The following SH3RF3 variants were observed in gnomAD, a reference collection of about 807,000 sequenced individuals.
SH3RF3 encodes E3 ubiquitin-protein ligase SH3RF3.
A neutral mutation model predicts 66.3 loss-of-function variants in SH3RF3; 29 were observed. That is an observed-to-expected ratio of 0.44 (90% CI 0.33 to 0.60). The LOEUF (loss-of-function observed/expected upper bound fraction) is 0.60. SH3RF3 is among the 20% of genes least tolerant of loss of function. The probability of loss-of-function intolerance (pLI) is 0.04; values close to 1 mark genes in which losing one functional copy is unlikely to be tolerated. For missense variants in SH3RF3, 1,194 were observed against 1,190.9 expected (o/e 1.00, Z -0.04); for synonymous variants, 583 against 532.0 (o/e 1.10, Z -1.32).
chr2:109,273,095 A>G (rs1680666696), intron 1 of SH3RF3, among the ~76,000 whole-genome samples: 1 of 152,260 alleles, frequency 6.6e-6, no homozygotes, highest in Non-Finnish European at 1.5e-5. Flanking sequence ...TTCGGGTTGA[A>G]GAGATACTGG....
At chr2:109,345,927 T>C (rs1682683952) in intron 1 of SH3RF3, among the ~76,000 whole-genome samples, 1 of 152,202 alleles carries the variant, frequency 6.6e-6, no homozygotes, top group Non-Finnish European at 1.5e-5. Context: ...CACCTTCCGG[T>C]TGTGATAGCC....
chr2:109,176,501 G>T (rs1348919228), intron 1 of SH3RF3, among the ~76,000 whole-genome samples: 4 of 152,198 alleles, frequency 2.6e-5, no homozygotes, highest in African/African-American at 9.7e-5. Flanking sequence ...TGGGGCCAAG[G>T]TGGGAGGATC....
At chr2:109,217,676 T>C (rs961006422) in intron 1 of SH3RF3, among the ~76,000 whole-genome samples, 2 of 152,236 alleles carry the variant, frequency 1.3e-5, no homozygotes, top group East Asian at 1.9e-4. Flanking sequence ...TCTCACCGGC[T>C]AGAAGACCAG....
At chr2:109,174,828 A>G (rs1160689302) in intron 1 of SH3RF3, among the ~76,000 whole-genome samples, 1 of 152,206 alleles carries the variant, frequency 6.6e-6, no homozygotes, top group Non-Finnish European at 1.5e-5. Context: ...TGCAAGCTTC[A>G]GGGATAGGAT....
chr2:109,250,971 A>G (rs1256576093), intron 1 of SH3RF3, among the ~76,000 whole-genome samples: 1 of 151,880 alleles, frequency 6.6e-6, no homozygotes, highest in Non-Finnish European at 1.5e-5. Flanking sequence ...TGCATTCTGT[A>G]TAGCTTTTTT....
chr2:109,416,292 A>C (rs1559071732), intron 4 of SH3RF3, among the ~76,000 whole-genome samples: 2 of 152,018 alleles, frequency 1.3e-5, no homozygotes, highest in African/African-American at 4.8e-5. Flanking sequence ...GGGCTGCTGC[A>C]TGCTTAGAAT....
intron 1 of SH3RF3, among the ~76,000 whole-genome samples, chr2:109,197,123 G>T (rs1362129753): frequency 2.6e-5 from 4 of 152,212 alleles, no homozygotes; most frequent in African/African-American, 9.7e-5. Flanking sequence ...GCAGAGGTTG[G>T]GTTTGAACCT....
chr2:109,454,277 C>T (rs1458132469), intron 8 of SH3RF3, among the ~76,000 whole-genome samples: 5 of 152,222 alleles, frequency 3.3e-5, no homozygotes, highest in African/African-American at 9.6e-5. Flanking sequence ...ACTATCCAAT[C>T]TGTATTCCCC....
intron 1 of SH3RF3, among the ~76,000 whole-genome samples, chr2:109,319,406 C>G (rs1681964846): frequency 6.6e-6 from 1 of 152,192 alleles, no homozygotes; most frequent in South Asian, 2.1e-4. Flanking sequence ...CGGGGATCAC[C>G]CAGGCATCCT....
chr2:109,303,071 T>C (rs937135382), intron 1 of SH3RF3, among the ~76,000 whole-genome samples: 2 of 152,144 alleles, frequency 1.3e-5, no homozygotes, highest in African/African-American at 4.8e-5. Context: ...AGGCGGGGTT[T>C]CATCATGCTG....
chr2:109,242,549 C>G (rs1034605805), intron 1 of SH3RF3, among the ~76,000 whole-genome samples: 6 of 152,136 alleles, frequency 3.9e-5, no homozygotes, highest in Non-Finnish European at 2.9e-5. Context: ...AAGTGGGAAG[C>G]CTGTGTCTGC....
intron 8 of SH3RF3, among the ~76,000 whole-genome samples, chr2:109,449,891 C>A (rs1677816832): frequency 6.6e-6 from 1 of 152,028 alleles, no homozygotes; most frequent in South Asian, 2.1e-4. Context: ...TGAACAGCAC[C>A]CACTCCCTTC....
chr2:109,130,056 C>T lies in SH3RF3; in HGVS notation c.516C>T (p.Gly172=). ...GSPVFLSAAA[G]STAGSLRELA... ...CGGTTTTCCTCTCCGCGGCCGCGGG[C>T]AGCACCGCCGGCAGTCTGCGGGAGC... The change falls in exon 1 of 10, where the codon GGC becomes GGT. Residue 172 remains glycine, a synonymous_variant. Coordinates refer to ENST00000309415, the MANE Select transcript of SH3RF3 (RefSeq NM_001099289.3). 7.3e-7 allele frequency: 1 copy of T among 1,368,324 alleles called. No individual in the cohort carries two copies. The highest frequency in any genetic ancestry group is 1.7e-5 in the South Asian group (1 of 58,580). The allele number at this position is 1,368,324 out of a possible 1,614,324, so 84.8% of individuals were successfully genotyped here.
intron 9 of SH3RF3, among the ~76,000 whole-genome samples, chr2:109,492,560 C>T (rs958148882): frequency 1.3e-5 from 2 of 152,142 alleles, no homozygotes; most frequent in African/African-American, 2.4e-5. Flanking sequence ...TTTCCCCAAG[C>T]GCTACATGTG....
At chr2:109,389,823 TG>T (rs1675933234) in intron 3 of SH3RF3, among the ~76,000 whole-genome samples, 2 of 152,132 alleles carry the variant, frequency 1.3e-5, no homozygotes, top group Admixed American at 6.5e-5. Context: ...GCTTCCCTGA[TG>T]GGGGTGCACT....
At chr2:109,338,125 C>T (rs559605333) in intron 1 of SH3RF3, among the ~76,000 whole-genome samples, 3 of 152,266 alleles carry the variant, frequency 2.0e-5, no homozygotes, top group Non-Finnish European at 4.4e-5. Flanking sequence ...GGTAGCTTCC[C>T]GAGTCGGAAG....
chr2:109,171,189 G>A (rs148342685), intron 1 of SH3RF3, among the ~76,000 whole-genome samples: 15 of 152,218 alleles, frequency 9.9e-5, no homozygotes, highest in Admixed American at 5.2e-4. Context: ...GTTTATTTAT[G>A]TATATAAAGT....
chr2:109,460,604 G>C (rs1293969402), intron 8 of SH3RF3, among the ~76,000 whole-genome samples: 1 of 152,212 alleles, frequency 6.6e-6, no homozygotes. Flanking sequence ...AATTACTAAA[G>C]TCCTCCTCTG....
At chr2:109,443,226 T>A (rs572601264) in intron 7 of SH3RF3, among the ~76,000 whole-genome samples, 1 of 152,378 alleles carries the variant, frequency 6.6e-6, no homozygotes, top group East Asian at 1.9e-4. Context: ...AAAATGAGGT[T>A]CAGAAGGATT....
Sources: gnomAD v4.1 joint callset for allele counts (sites outside exome capture counted in the v4.1 genomes callset) on GRCh38, gnomAD v4.1.1 for gene constraint, MANE v1.5 for transcripts, NCBI Gene and HGNC (gene_info 2026-07-23, HGNC 2026-07-21) for gene names.